The following CSMD1 variants were observed in gnomAD, a reference collection of about 807,000 sequenced individuals.
CSMD1 encodes the protein CUB and Sushi multiple domains 1.
In CSMD1, 213 loss-of-function variants were observed where a neutral mutation model predicts 417.5. The ratio of observed to expected loss-of-function variants is 0.51; its 90% CI spans 0.46 to 0.57. CSMD1 has a LOEUF of 0.57. Ranked by LOEUF, CSMD1 falls within the 20% of genes least tolerant of loss-of-function variation. CSMD1 has a pLI of 0.00. For missense variants in CSMD1, 6,923 were observed against 4,529.7 expected, an observed-to-expected ratio of 1.53 and a Z score of -15.17; for synonymous variants, 2,862 against 1,736.8, an observed-to-expected ratio of 1.65 and a Z score of -16.11.
At chr8:4,102,499 C>G (rs1221956324) in intron 3 of CSMD1, among the ~76,000 whole-genome samples, 1 of 152,094 alleles carries the variant, frequency 6.6e-6, no homozygotes, top group Non-Finnish European at 1.5e-5. Context: ...GGGCAGAATT[C>G]TTTGAAAACT....
chr8:4,003,257 G>A (rs776477661), intron 4 of CSMD1, among the ~76,000 whole-genome samples: 2 of 152,052 alleles, frequency 1.3e-5, no homozygotes, highest in Non-Finnish European at 2.9e-5. Context: ...GCTGGGTGTG[G>A]TGACGGGCAC....
chr8:4,104,916 A>G (rs1801491676), intron 3 of CSMD1, among the ~76,000 whole-genome samples: 1 of 152,204 alleles, frequency 6.6e-6, no homozygotes, highest in Non-Finnish European at 1.5e-5. Context: ...ACTGTGAGTG[A>G]GAATTACACA....
chr8:4,685,322 C>A (rs1471409084), intron 1 of CSMD1, among the ~76,000 whole-genome samples: 1 of 152,136 alleles, frequency 6.6e-6, no homozygotes, highest in Non-Finnish European at 1.5e-5. Flanking sequence ...GCCTGTAATC[C>A]CAGCACTTTG....
intron 26 of CSMD1, among the ~76,000 whole-genome samples, chr8:3,269,809 G>C (rs1391197230): frequency 6.6e-6 from 1 of 152,212 alleles, no homozygotes; most frequent in Admixed American, 6.5e-5. Context: ...GTCAGTTCAT[G>C]TCCTTCTGTT....
At chr8:3,706,767 T>G (rs1223631512) in intron 7 of CSMD1, among the ~76,000 whole-genome samples, 1 of 148,224 alleles carries the variant, frequency 6.7e-6, no homozygotes, top group Non-Finnish European at 1.5e-5. Flanking sequence ...TAAAAATCAT[T>G]TTCAAACTAC....
At chr8:4,182,656 A>C (rs899126037) in intron 3 of CSMD1, among the ~76,000 whole-genome samples, 1 of 152,156 alleles carries the variant, frequency 6.6e-6, no homozygotes, top group Non-Finnish European at 1.5e-5. Flanking sequence ...AGTGACCCCT[A>C]AAAATAGATT....
intron 1 of CSMD1, among the ~76,000 whole-genome samples, chr8:4,901,504 G>A (rs1275225656): frequency 1.3e-5 from 2 of 152,036 alleles, no homozygotes; most frequent in East Asian, 3.9e-4. Context: ...TTCCATCTTT[G>A]TGAGCTTAAA....
At chr8:3,531,731 G>T (rs185083151) in intron 10 of CSMD1, among the ~76,000 whole-genome samples, 3 of 152,188 alleles carry the variant, frequency 2.0e-5, no homozygotes, top group Non-Finnish European at 4.4e-5. Flanking sequence ...AAAACCCCAA[G>T]AAATCACTTC....
At chr8:4,945,788 G>C (rs940033518) in intron 1 of CSMD1, among the ~76,000 whole-genome samples, 1 of 152,114 alleles carries the variant, frequency 6.6e-6, no homozygotes, top group Non-Finnish European at 1.5e-5. Context: ...GAATGGTGAC[G>C]GATGAGGTTA....
intron 2 of CSMD1, among the ~76,000 whole-genome samples, chr8:4,477,078 G>C (rs1471219707): frequency 6.6e-6 from 1 of 152,180 alleles, no homozygotes; most frequent in Admixed American, 6.5e-5. Context: ...TCAGGGAGAG[G>C]GAAGAGCAGG....
chr8:4,221,826 G>A (rs573672453), intron 3 of CSMD1, among the ~76,000 whole-genome samples: 2 of 152,220 alleles, frequency 1.3e-5, no homozygotes, highest in Admixed American at 6.5e-5. Flanking sequence ...ACTTGGCTCT[G>A]AGAATTCTTA....
At chr8:3,232,446 G>C (rs1798896929) in intron 26 of CSMD1, among the ~76,000 whole-genome samples, 1 of 152,134 alleles carries the variant, frequency 6.6e-6, no homozygotes, top group African/African-American at 2.4e-5. Flanking sequence ...TTGCTGTATA[G>C]TTTTCCATTG....
At chr8:4,325,894 C>T (rs1047947351) in intron 3 of CSMD1, among the ~76,000 whole-genome samples, 1 of 152,080 alleles carries the variant, frequency 6.6e-6, no homozygotes, top group Non-Finnish European at 1.5e-5. Context: ...TGCACATGGT[C>T]AGAATATAAT....
chr8:3,656,735 G>A (rs1798130143), intron 7 of CSMD1, among the ~76,000 whole-genome samples: 1 of 152,122 alleles, frequency 6.6e-6, no homozygotes, highest in African/African-American at 2.4e-5. Context: ...AGACCAGCCT[G>A]GCTAACATGG....
chr8:2,968,129 G>T (rs1804132167), intron 57 of CSMD1, among the ~76,000 whole-genome samples: 2 of 152,140 alleles, frequency 1.3e-5, no homozygotes, highest in African/African-American at 4.8e-5. Flanking sequence ...AAAGTTTTAT[G>T]ATAACTATAC....
chr8:4,888,249 C>T lies in CSMD1; in HGVS notation c.85+106083G>A, dbSNP rs187552422. Reference sequence around the variant, plus strand: ...AGAAAATAAAGCTATATTTAGGAATCGATAAGGAGTAATTTTCAAGATATG... The same window carrying T: ...AGAAAATAAAGCTATATTTAGGAATTGATAAGGAGTAATTTTCAAGATATG... On this transcript the variant is annotated intron_variant, in intron 1 of 69. Coordinates refer to ENST00000635120, the MANE Select transcript of CSMD1 (RefSeq NM_033225.6). Among the ~76,000 whole-genome samples the T allele has an allele frequency of 2.8e-4, 43 of 151,892 alleles. 1 individual carries two copies. Among genetic ancestry groups the T allele is most frequent in the African/African-American group, 9.4e-4 (39 of 41,374 alleles).
intron 3 of CSMD1, among the ~76,000 whole-genome samples, chr8:4,154,681 T>A (rs371410693): frequency 6.6e-6 from 1 of 152,184 alleles, no homozygotes; most frequent in African/African-American, 2.4e-5. Flanking sequence ...AACCTGAGAA[T>A]TCTCATTAAA....
rs551884351 is a variant in CSMD1, at chr8:4,946,918, G to A, written c.85+47414C>T. On this transcript the variant is annotated intron_variant, in intron 1 of 69. Transcript: ENST00000635120. ...TATATGTTTCTTTTAGAAAGACAGA[G>A]CATATGTACATACGTATTTTAATAT... Among the ~76,000 whole-genome samples, 6 of 152,234 alleles carry A rather than the reference G, an allele frequency of 3.9e-5. 1 individual carries two copies. The South Asian group carries it at 6.2e-4, about 16-fold the overall frequency.
chr8:4,852,626 G>T (rs918774923), intron 1 of CSMD1, among the ~76,000 whole-genome samples: 1 of 152,166 alleles, frequency 6.6e-6, no homozygotes, highest in African/African-American at 2.4e-5. Flanking sequence ...TTGAAAATAT[G>T]GAAGTGGCTT....
Sources: allele counts gnomAD v4.1 joint callset (sites outside exome capture counted in the v4.1 genomes callset), GRCh38; gene constraint gnomAD v4.1.1; transcripts MANE v1.5; gene names NCBI Gene and HGNC (gene_info 2026-07-23, HGNC 2026-07-21).